ANK3: variants seen among roughly 807,000 people sequenced by gnomAD.
The protein encoded by ANK3 is ankyrin 3.
A neutral mutation model predicts 370.9 loss-of-function variants in ANK3; 57 were observed. The observed-to-expected ratio is 0.15, with a 90% CI of 0.12 to 0.19. ANK3 has a LOEUF of 0.19. ANK3 is among the 10% of genes least tolerant of loss of function. The pLI is 1.00. For synonymous variants in ANK3, 1,929 were observed against 1,946.3 expected (o/e 0.99, Z 0.23); for missense variants, 4,439 against 5,302.1 (o/e 0.84, Z 5.06).
At chr10:60,115,001 G>A (rs1304875131) in intron 25 of ANK3, among the ~76,000 whole-genome samples, 1 of 152,160 alleles carries the variant, frequency 6.6e-6, no homozygotes. Flanking sequence ...GAGAGTTTTG[G>A]TGGAGATTTG....
At chr10:60,515,716 G>T (rs763831186) in intron 2 of ANK3, among the ~76,000 whole-genome samples, 5 of 152,120 alleles carry the variant, frequency 3.3e-5, no homozygotes, top group African/African-American at 4.8e-5. Context: ...TGGGACATGA[G>T]AAATTGTTAT....
chr10:60,271,447 T>A (rs2097982591), intron 4 of ANK3, among the ~76,000 whole-genome samples: 1 of 152,182 alleles, frequency 6.6e-6, no homozygotes, highest in African/African-American at 2.4e-5. Context: ...GCTCAAGCCA[T>A]CTGCCTGCCT....
chr10:60,049,939 C>T (rs1358014140), intron 42 of ANK3, among the ~76,000 whole-genome samples: 1 of 152,142 alleles, frequency 6.6e-6, no homozygotes, highest in Non-Finnish European at 1.5e-5. Flanking sequence ...AAGTCAACTT[C>T]TATCATGGGC....
chr10:60,149,600 G>T (rs945570184), intron 23 of ANK3, among the ~76,000 whole-genome samples: 5 of 152,068 alleles, frequency 3.3e-5, no homozygotes, highest in Admixed American at 3.3e-4. Flanking sequence ...AAATATACTC[G>T]CTGTGACCTT....
At chr10:60,504,484 T>C (rs989876804) in intron 2 of ANK3, among the ~76,000 whole-genome samples, 87 of 152,066 alleles carry the variant, frequency 5.7e-4, no homozygotes, top group Admixed American at 4.0e-3. Flanking sequence ...AAGGCTTTTT[T>C]CCCCCCCAGA....
intron 2 of ANK3, among the ~76,000 whole-genome samples, chr10:60,456,998 T>C (rs2064764935): frequency 1.3e-5 from 2 of 152,104 alleles, no homozygotes; most frequent in African/African-American, 2.4e-5. Context: ...ACTTTTCTAG[T>C]CTTCTGGCCA....
At position 60,693,818 on chromosome 10, in the gene ANK3, T is replaced by C. The variant is rs1457445728; in HGVS notation, c.57+39445A>G. Among the ~76,000 whole-genome samples the C allele has an allele frequency of 5.9e-5, 9 of 152,190 alleles. No individual in the cohort carries two copies. In the South Asian group the frequency reaches 1.9e-3, roughly 32 times the overall value. On this transcript the variant is annotated intron_variant, in intron 1 of 43. Transcript: ENST00000373827. Reference sequence around the variant, plus strand: ...ATGGGGAAAAACAGAGCAGAAAAACTGGAAACTCTAAAATGCAGAGCACCT... The same window carrying C: ...ATGGGGAAAAACAGAGCAGAAAAACCGGAAACTCTAAAATGCAGAGCACCT...
chr10:60,109,949 C>T (rs2092567649), intron 26 of ANK3, among the ~76,000 whole-genome samples: 2 of 152,098 alleles, frequency 1.3e-5, no homozygotes, highest in Admixed American at 6.5e-5. Flanking sequence ...TATAAGTAAA[C>T]ATAAATCAAT....
chr10:60,303,778 T>C (rs2044340967), intron 1 of ANK3, among the ~76,000 whole-genome samples: 1 of 152,146 alleles, frequency 6.6e-6, no homozygotes, highest in Non-Finnish European at 1.5e-5. Context: ...CAAAGAGATA[T>C]TTGCACTCCT....
chr10:60,395,647 TC>T (rs2063222089), intron 2 of ANK3, among the ~76,000 whole-genome samples: 1 of 150,858 alleles, frequency 6.6e-6, no homozygotes, highest in Non-Finnish European at 1.5e-5. Context: ...TCTCTCTCTC[TC>T]TCTTTCTTTC....
At chr10:60,611,270 C>G (rs1326075268) in intron 2 of ANK3, among the ~76,000 whole-genome samples, 1 of 152,112 alleles carries the variant, frequency 6.6e-6, no homozygotes, top group African/African-American at 2.4e-5. Context: ...GAGCACACAC[C>G]TTCAAGAAGG....
At chr10:60,120,261 T>C (rs1289488715) in intron 25 of ANK3, among the ~76,000 whole-genome samples, 1 of 152,132 alleles carries the variant, frequency 6.6e-6, no homozygotes, top group Non-Finnish European at 1.5e-5. Flanking sequence ...GATAGCCATA[T>C]GCAAAAGAAT....
chr10:60,201,161 T>A (rs1766932535), intron 12 of ANK3, among the ~76,000 whole-genome samples: 3 of 152,254 alleles, frequency 2.0e-5, no homozygotes, highest in Non-Finnish European at 4.4e-5. Context: ...TTGTGTTTAC[T>A]GGAAAGGTGC....
intron 1 of ANK3, among the ~76,000 whole-genome samples, chr10:60,661,538 CA>C (rs2078935736): frequency 6.6e-6 from 1 of 152,060 alleles, no homozygotes; most frequent in Admixed American, 6.6e-5. Flanking sequence ...GTGTATTCTA[CA>C]GCTTTGTTTA....
chr10:60,126,797 A>G (rs1417724051), intron 25 of ANK3, among the ~76,000 whole-genome samples: 1 of 152,206 alleles, frequency 6.6e-6, no homozygotes, highest in Non-Finnish European at 1.5e-5. Flanking sequence ...ATTTCTAGAG[A>G]GAAAGCATAA....
intron 1 of ANK3, among the ~76,000 whole-genome samples, chr10:60,650,890 C>G (rs1053398183): frequency 2.0e-5 from 3 of 151,996 alleles, no homozygotes; most frequent in African/African-American, 7.3e-5. Context: ...TCTAGACCAT[C>G]CTAGGCAACA....
At chr10:60,274,600 C>T (rs1005992652) in intron 4 of ANK3, among the ~76,000 whole-genome samples, 1 of 152,120 alleles carries the variant, frequency 6.6e-6, no homozygotes, top group East Asian at 1.9e-4. Flanking sequence ...TTGATTCTCC[C>T]TCTCCAGTCT....
rs775646259 is a variant in ANK3 at position 60,071,049 on chromosome 10, C to T, written c.9832G>A (p.Glu3278Lys). 1 of 1,614,158 alleles carries T rather than the reference C, an allele frequency of 6.2e-7. No homozygotes were observed. Among genetic ancestry groups the T allele is most frequent in the South Asian group, 1.1e-5 (1 of 91,080 alleles). Residue 3278 changes from glutamate (E) to lysine (K), a missense_variant, in exon 37 of 44, where the codon GAG (glutamate) becomes AAG (lysine). Around this residue, in one of 13 missense-constraint regions of ANK3, gnomAD observed 1,601 missense variants for 1,731.7 expected, o/e 0.92. Transcript: ENST00000280772. ...AGATTGACTTCAATCATGTCAACCT[C>T]TTTTTCTGGGAGATAATGATGCTTC... ...DKKHHYLPEK[E>K]VDMIEVNLQD...
At position 60,478,893 on chromosome 10, in the gene ANK3, G is replaced by A. The variant is rs72807921; in HGVS notation, c.96+136293C>T. On this transcript the variant is annotated intron_variant, in intron 2 of 43. Coordinates refer to the ANK3 transcript ENST00000373827. The stretch of plus-strand genomic sequence containing the variant: ...TAAGGGTTATTATGAAGTCTGAACA[G>A]GGTAGCTAATGAAAAGTATATATTA... 5.3e-3 allele frequency among the ~76,000 whole-genome samples: 800 copies of A among 152,172 alleles called. 4 individuals carry two copies. Among genetic ancestry groups the A allele is most frequent in the South Asian group, 0.012 (59 of 4,822 alleles).
Sources: gnomAD v4.1 joint callset for allele counts (sites outside exome capture counted in the v4.1 genomes callset) on GRCh38, gnomAD v4.1.1 for gene constraint, gnomAD v4.1.1 regional missense constraint, MANE v1.5 for transcripts, NCBI Gene and HGNC (gene_info 2026-07-23, HGNC 2026-07-21) for gene names.